The following NMBR variants were observed in gnomAD, a reference collection of about 807,000 sequenced individuals.
NMBR encodes neuromedin B receptor.
NMBR carries 16 observed loss-of-function variants against 20.5 expected under a neutral mutation model. That is an observed-to-expected ratio of 0.78 (90% confidence interval 0.53 to 1.19). The LOEUF is 1.19. Among genes scored for constraint, NMBR ranks in the 50% most tolerant of loss-of-function variants. The probability of loss-of-function intolerance (pLI) is 0.00; values close to 1 mark genes in which losing one functional copy is unlikely to be tolerated. For missense variants in NMBR, 582 were observed against 499.1 expected (o/e 1.17, Z -1.58); for synonymous variants, 212 against 196.6 (o/e 1.08, Z -0.65).
At position 142,088,434 on chromosome 6, in the gene NMBR, C is replaced by T; in HGVS notation, c.225G>A (p.Arg75=). ...VKIFITNSAM[R]SVPNIFISNL... ...TAGAGATGAAGATGTTGGGGACGCTCCTCATGGCGCTGTTGGTGATGAAGA... is the reference window on the plus strand; with the variant it reads ...TAGAGATGAAGATGTTGGGGACGCTTCTCATGGCGCTGTTGGTGATGAAGA... Residue 75 remains arginine (R), a synonymous_variant, in exon 2 of 4, where the codon AGG becomes AGA. Transcript: ENST00000258042. 1 of 1,614,028 alleles carries T rather than the reference C, an allele frequency of 6.2e-7. No individual in the cohort carries two copies. The highest frequency in any genetic ancestry group is 8.5e-7 in the Non-Finnish European group (1 of 1,179,982).
chr6:142,099,032 G>C (rs978808329), intron 1 of NMBR, among the ~76,000 whole-genome samples: 1 of 152,142 alleles, frequency 6.6e-6, no homozygotes. Flanking sequence ...TCTTTGACAA[G>C]GAACCAAAGG....
At chr6:142,110,013 G>C (rs1777732372) in intron 1 of NMBR, among the ~76,000 whole-genome samples, 1 of 152,128 alleles carries the variant, frequency 6.6e-6, no homozygotes, top group Non-Finnish European at 1.5e-5. Context: ...AAGGTATTTT[G>C]TTATAGCAGT....
chr6:142,141,645 C>G (rs1582867348), intron 1 of NMBR, among the ~76,000 whole-genome samples: 1 of 150,976 alleles, frequency 6.6e-6, no homozygotes, highest in Non-Finnish European at 1.5e-5. Context: ...GCTGGGATTA[C>G]AGGCACCCGC....
rs368395682 is a variant in NMBR, at chr6:142,123,643, G to A, written c.-664+23401C>T. 1.1e-3 allele frequency among the ~76,000 whole-genome samples: 169 copies of A among 151,978 alleles called. 4 individuals carry two copies. In the South Asian group the frequency reaches 0.032, roughly 29 times the overall value. On this transcript the variant is annotated intron_variant, in intron 1 of 3. Coordinates refer to ENST00000258042, the MANE Select transcript of NMBR (RefSeq NM_002511.4). ...CAGCAGCCAACATCCCAATCAGTCA[G>A]CAGCCATCTACATCAAGGCGAGACC...
chr6:142,083,093 G>A (rs1408420255), intron 2 of NMBR, among the ~76,000 whole-genome samples: 1 of 152,158 alleles, frequency 6.6e-6, no homozygotes. Flanking sequence ...CTAATTCAAT[G>A]TGTGAAATTA....
intron 1 of NMBR, among the ~76,000 whole-genome samples, chr6:142,139,386 G>GTGAATCTTGA (rs1312859320): frequency 1.3e-5 from 2 of 152,186 alleles, no homozygotes; most frequent in Non-Finnish European, 2.9e-5. Context: ...TCAGTCTTGT[G>GTGAATCTTGA]TGAATCTTGA....
rs371859583 is a variant in NMBR, at chr6:142,078,851, G to T, written c.475C>A (p.Arg159=). 6.2e-7 allele frequency: 1 copy of T among 1,613,642 alleles called. No homozygotes were observed. The highest frequency in any genetic ancestry group is 2.2e-5 in the East Asian group (1 of 44,838). The change falls in exon 3 of 4, where the codon CGG becomes AGG. Residue 159 remains arginine, a synonymous_variant. Coordinates refer to ENST00000258042, the MANE Select transcript of NMBR (RefSeq NM_002511.4). ...ATACCCATGGCCTTCACACAGGTCC[G>T]CAGCAATGCCCCTGACGTCTGCATG... The part of the protein sequence containing the change: ...MDMQTSGALL[R]TCVKAMGIWV...
intron 1 of NMBR, among the ~76,000 whole-genome samples, chr6:142,126,250 C>CCTCTCT (rs145085633): frequency 7.4e-4 from 109 of 146,612 alleles, no homozygotes; most frequent in Non-Finnish European, 1.1e-3. Flanking sequence ...TAACAATATT[C>CCTCTCT]CTCTCTCTCT....
chr6:142,100,905 G>A (rs1208229395), intron 1 of NMBR, among the ~76,000 whole-genome samples: 2 of 152,156 alleles, frequency 1.3e-5, no homozygotes, highest in African/African-American at 4.8e-5. Context: ...ACTATAAATT[G>A]GGTAGCTTAT....
intron 1 of NMBR, among the ~76,000 whole-genome samples, chr6:142,098,252 T>C (rs1031706555): frequency 6.6e-6 from 1 of 152,112 alleles, no homozygotes; most frequent in African/African-American, 2.4e-5. Context: ...AACTCGAAAC[T>C]ATCTTGCTAA....
intron 1 of NMBR, among the ~76,000 whole-genome samples, chr6:142,116,281 C>T (rs1441863597): frequency 6.6e-6 from 1 of 151,846 alleles, no homozygotes; most frequent in African/African-American, 2.4e-5. Context: ...AAAAGATACC[C>T]AAACACATAT....
At chr6:142,080,399 C>G (rs1777071365) in intron 2 of NMBR, among the ~76,000 whole-genome samples, 1 of 150,978 alleles carries the variant, frequency 6.6e-6, no homozygotes, top group Admixed American at 6.6e-5. Context: ...CAATCTCCAC[C>G]TCCCAGGTTC....
chr6:142,125,976 T>C (rs1251637861), intron 1 of NMBR, among the ~76,000 whole-genome samples: 1 of 151,770 alleles, frequency 6.6e-6, no homozygotes, highest in East Asian at 1.9e-4. Flanking sequence ...GTCACATTGC[T>C]GTACATTAGA....
At chr6:142,086,509 G>C (rs1175518086) in intron 2 of NMBR, among the ~76,000 whole-genome samples, 4 of 151,996 alleles carry the variant, frequency 2.6e-5, no homozygotes, top group African/African-American at 9.7e-5. Flanking sequence ...GTGAATCATG[G>C]AATATATTGC....
intron 1 of NMBR, among the ~76,000 whole-genome samples, chr6:142,112,578 T>G (rs1242096301): frequency 1.3e-5 from 2 of 152,208 alleles, no homozygotes; most frequent in Non-Finnish European, 2.9e-5. Flanking sequence ...TCCTTATTTC[T>G]AAACTCAGTA....
intron 1 of NMBR, among the ~76,000 whole-genome samples, chr6:142,142,944 G>C (rs1028785527): frequency 2.2e-4 from 33 of 152,006 alleles, no homozygotes; most frequent in Non-Finnish European, 3.8e-4. Flanking sequence ...AATTAGCCAG[G>C]CATGGTGGTG....
intron 1 of NMBR, among the ~76,000 whole-genome samples, chr6:142,093,979 C>T (rs182713779): frequency 0.014 from 1,700 of 123,592 alleles, 29 homozygotes; most frequent in Non-Finnish European, 0.019. Flanking sequence ...TCATATCCTT[C>T]GCCCACTCTT....
At chr6:142,123,675 G>A (rs1200191568) in intron 1 of NMBR, among the ~76,000 whole-genome samples, 3 of 151,788 alleles carry the variant, frequency 2.0e-5, no homozygotes, top group Non-Finnish European at 2.9e-5. Flanking sequence ...GACCCTCCAC[G>A]GTGAAAATAT....
chr6:142,124,163 C>T lies in NMBR; in HGVS notation c.-664+22881G>A, dbSNP rs79371439. On this transcript the variant is annotated intron_variant, in intron 1 of 3. Transcript: ENST00000258042. ...TTCCCAAAATTTATTGAAAACAAAC[C>T]CACAGATCAAGACAGCTCCAGAAAC... 1.0e-3 allele frequency among the ~76,000 whole-genome samples: 158 copies of T among 151,832 alleles called. 1 individual carries two copies. Among genetic ancestry groups the T allele is most frequent in the African/African-American group, 3.8e-3 (156 of 41,416 alleles).
Sources: gnomAD v4.1 joint callset for allele counts (sites outside exome capture counted in the v4.1 genomes callset) on GRCh38, gnomAD v4.1.1 for gene constraint, MANE v1.5 for transcripts, NCBI Gene and HGNC (gene_info 2026-07-23, HGNC 2026-07-21) for gene names.